The following TAB2 variants were observed in gnomAD, a reference collection of about 807,000 sequenced individuals.
TAB2 encodes the protein TGF-beta-activated kinase 1 and MAP3K7-binding protein 2.
In TAB2, 3 loss-of-function variants were observed where a neutral mutation model predicts 65.0. The observed-to-expected ratio is 0.05, with a 90% CI of 0.02 to 0.12. The LOEUF is 0.12. TAB2 is among the 10% of genes least tolerant of loss of function. The probability of loss-of-function intolerance (pLI) is 1.00; values close to 1 mark genes in which losing one functional copy is unlikely to be tolerated. For missense variants in TAB2, 623 were observed against 840.3 expected, an observed-to-expected ratio of 0.74 and a Z score of 3.20; for synonymous variants, 298 against 285.1, an observed-to-expected ratio of 1.05 and a Z score of -0.46.
At chr6:149,247,118 A>C (rs1002729968) in intron 1 of TAB2, 9 of 150,754 alleles carry the variant, frequency 6.0e-5, no homozygotes, top group Non-Finnish European at 8.8e-5. Flanking sequence ...CCTCTCCTCC[A>C]AGGCTATCCA....
chr6:149,221,051 G>C (rs1777136627), intron 1 of TAB2: 1 of 152,118 alleles, frequency 6.6e-6, no homozygotes, highest in Non-Finnish European at 1.5e-5. Flanking sequence ...CTGCCATGTA[G>C]CCAACTGTGA....
intron 1 of TAB2, among the ~76,000 whole-genome samples, chr6:149,368,691 A>G (rs986910656): frequency 6.7e-6 from 1 of 149,340 alleles, no homozygotes; most frequent in Non-Finnish European, 1.5e-5. Flanking sequence ...TTACACAGAA[A>G]TACTTTTGGA....
At chr6:149,245,421 G>A (rs1331088265) in intron 1 of TAB2, 3 of 152,118 alleles carry the variant, frequency 2.0e-5, no homozygotes, top group Non-Finnish European at 2.9e-5. Context: ...ACTTTAAAAT[G>A]TAGTTTTATA....
At chr6:149,259,175 G>A (rs886590188) in intron 1 of TAB2, among the ~76,000 whole-genome samples, 1 of 152,062 alleles carries the variant, frequency 6.6e-6, no homozygotes, top group East Asian at 1.9e-4. Flanking sequence ...GGTCATTTTC[G>A]ACAGTAACAA....
chr6:149,306,418 C>T (rs530462737), intron 1 of TAB2, among the ~76,000 whole-genome samples: 188 of 151,976 alleles, frequency 1.2e-3, no homozygotes, highest in Non-Finnish European at 1.8e-3. Context: ...GGTGTGGTGG[C>T]GGGCACCTGT....
intron 3 of TAB2, among the ~76,000 whole-genome samples, chr6:149,390,600 G>A (rs746924202): frequency 2.6e-5 from 4 of 152,018 alleles, no homozygotes; most frequent in African/African-American, 4.8e-5. Context: ...TCCATTGTTC[G>A]TGAGCTAACA....
chr6:149,399,686 CTG>C (rs1782303698), intron 6 of TAB2, among the ~76,000 whole-genome samples: 2 of 152,054 alleles, frequency 1.3e-5, no homozygotes, highest in Admixed American at 1.3e-4. Flanking sequence ...CAAAGTATGT[CTG>C]TGTGTTTTGA....
chr6:149,391,800 G>A lies in TAB2; in HGVS notation c.1604-5804G>A, dbSNP rs140786890. On this transcript the variant is annotated intron_variant, in intron 3 of 6. Transcript: ENST00000637181. ...AAATGACTCTCCCTCCTAGGCCTCC[G>A]AAAGTGCTGGGATTACAGGCATGAG... is the stretch of plus-strand genomic sequence containing the variant. Among the ~76,000 whole-genome samples, 16 of 152,018 alleles carry A rather than the reference G, an allele frequency of 1.1e-4. No homozygotes were observed. In the East Asian group the frequency reaches 1.9e-3, roughly 18 times the overall value.
chr6:149,241,522 T>G (rs1033232623), intron 1 of TAB2, among the ~76,000 whole-genome samples: 1 of 152,234 alleles, frequency 6.6e-6, no homozygotes, highest in Non-Finnish European at 1.5e-5. Flanking sequence ...TTAGCTTAAA[T>G]ATGGACTTCT....
intron 1 of TAB2, among the ~76,000 whole-genome samples, chr6:149,351,614 A>G (rs1214901306): frequency 6.6e-6 from 1 of 152,202 alleles, no homozygotes; most frequent in African/African-American, 2.4e-5. Context: ...TAACACTCCT[A>G]TGAAGTAGCT....
intron 1 of TAB2, among the ~76,000 whole-genome samples, chr6:149,320,012 G>A (rs1278500175): frequency 4.6e-5 from 7 of 152,190 alleles, no homozygotes; most frequent in Non-Finnish European, 2.9e-5. Flanking sequence ...GTGGAAAAAA[G>A]CGCTTGCCTT....
At chr6:149,234,515 A>G (rs151108250) in intron 1 of TAB2, among the ~76,000 whole-genome samples, 1 of 152,228 alleles carries the variant, frequency 6.6e-6, no homozygotes, top group East Asian at 1.9e-4. Flanking sequence ...TTTGGGAGAA[A>G]CTGGTGCCCA....
chr6:149,220,506 A>G (rs1777119897), intron 1 of TAB2, among the ~76,000 whole-genome samples: 1 of 152,176 alleles, frequency 6.6e-6, no homozygotes, highest in Non-Finnish European at 1.5e-5. Flanking sequence ...ATTGTATTAT[A>G]TAATATCCCC....
intron 3 of TAB2, among the ~76,000 whole-genome samples, chr6:149,392,818 CAA>C (rs1181849449): frequency 6.6e-6 from 1 of 152,154 alleles, no homozygotes; most frequent in African/African-American, 2.4e-5. Context: ...CTAATTAGAG[CAA>C]AAGTGTCTCT....
chr6:149,348,775 C>G (rs1780388525), intron 1 of TAB2, among the ~76,000 whole-genome samples: 1 of 151,774 alleles, frequency 6.6e-6, no homozygotes. Context: ...ACCAGCCTAG[C>G]CAACATGATG....
intron 1 of TAB2, among the ~76,000 whole-genome samples, chr6:149,360,885 A>G (rs1050090817): frequency 1.3e-4 from 20 of 152,246 alleles, no homozygotes; most frequent in African/African-American, 4.8e-4. Flanking sequence ...AAGGGGCTAC[A>G]GGCTTCATAC....
intron 1 of TAB2, among the ~76,000 whole-genome samples, chr6:149,251,384 G>A (rs1370776677): frequency 1.3e-5 from 2 of 152,120 alleles, no homozygotes; most frequent in Non-Finnish European, 2.9e-5. Flanking sequence ...CATATGACCC[G>A]GCCTGTGACT....
chr6:149,318,323 G>A (rs1438599604), intron 1 of TAB2, among the ~76,000 whole-genome samples: 1 of 151,974 alleles, frequency 6.6e-6, no homozygotes, highest in East Asian at 1.9e-4. Flanking sequence ...GAGAGCCCCG[G>A]GTGGGGGAGG....
intron 1 of TAB2, chr6:149,304,016 ACTTT>A (rs955015365): frequency 1.3e-5 from 2 of 152,254 alleles, no homozygotes; most frequent in African/African-American, 4.8e-5. Flanking sequence ...GGAACTGGAA[ACTTT>A]CTTTCTAATT....
Sources: gnomAD v4.1 joint callset for allele counts (sites outside exome capture counted in the v4.1 genomes callset) on GRCh38, gnomAD v4.1.1 for gene constraint, MANE v1.5 for transcripts, NCBI Gene and HGNC (gene_info 2026-07-23, HGNC 2026-07-21) for gene names.